PACRG: variants seen among roughly 807,000 people sequenced by gnomAD.
PACRG encodes the protein parkin coregulated gene protein.
PACRG carries 29 observed loss-of-function variants against 29.7 expected under a neutral mutation model. That is an observed-to-expected ratio of 0.98 (90% CI 0.73 to 1.33). The LOEUF (loss-of-function observed/expected upper bound fraction) is 1.33. Among genes scored for constraint, PACRG ranks in the 40% most tolerant of loss-of-function variants. PACRG has a pLI of 0.00. For missense variants in PACRG, 279 were observed against 316.2 expected, an observed-to-expected ratio of 0.88 and a Z score of 0.89; for synonymous variants, 116 against 118.7, an observed-to-expected ratio of 0.98 and a Z score of 0.15.
At chr6:162,787,423 A>G (rs1042288142) in intron 1 of PACRG, among the ~76,000 whole-genome samples, 16 of 150,914 alleles carry the variant, frequency 1.1e-4, no homozygotes, top group African/African-American at 3.6e-4. Context: ...GTGTAGGCAT[A>G]TATATATACA....
intron 2 of PACRG, among the ~76,000 whole-genome samples, chr6:162,914,358 G>A (rs1013105659): frequency 6.6e-5 from 10 of 152,020 alleles, no homozygotes; most frequent in Admixed American, 2.6e-4. Flanking sequence ...TAAATTGACC[G>A]TATACATATG....
chr6:163,125,514 T>G (rs1236737526), intron 4 of PACRG, among the ~76,000 whole-genome samples: 1 of 152,182 alleles, frequency 6.6e-6, no homozygotes, highest in Non-Finnish European at 1.5e-5. Flanking sequence ...AGTAAAGGCT[T>G]AATGCCCAGA....
At chr6:162,971,616 A>G (rs1034468443) in intron 2 of PACRG, among the ~76,000 whole-genome samples, 7 of 152,186 alleles carry the variant, frequency 4.6e-5, no homozygotes, top group East Asian at 1.9e-4. Flanking sequence ...TCGCTCCCCA[A>G]ATTCCATGGG....
At chr6:162,736,771 C>T (rs144266519) in intron 1 of PACRG, among the ~76,000 whole-genome samples, 1 of 151,624 alleles carries the variant, frequency 6.6e-6, no homozygotes, top group Admixed American at 6.6e-5. Context: ...TATATACCTA[C>T]CTGTATGTTT....
intron 4 of PACRG, among the ~76,000 whole-genome samples, chr6:163,314,393 G>A (rs555965933): frequency 7.4e-4 from 113 of 152,286 alleles, no homozygotes; most frequent in African/African-American, 2.5e-3. Flanking sequence ...GCAGAGATGC[G>A]GGTGGGGGCT....
In PACRG at chr6:162,728,377, A is replaced by G; in HGVS notation, c.142A>G (p.Met48Val). 1.2e-6 allele frequency: 2 copies of G among 1,612,810 alleles called. No individual in the cohort carries two copies. The highest frequency in any genetic ancestry group is 1.7e-6 in the Non-Finnish European group (2 of 1,179,974). ...VSEGFTVKAM[M>V]KNSVVRGPPA... ...TGAGGGTTTCACAGTCAAAGCCATG[A>G]TGAAAAACTCAGTCGTAAGTGATCT... Residue 48 changes from methionine to valine, a missense_variant, in exon 1 of 5, where the codon ATG becomes GTG. Transcript: ENST00000366888.
intron 3 of PACRG, among the ~76,000 whole-genome samples, chr6:163,078,623 T>TATC (rs758681434): frequency 4.8e-4 from 73 of 152,058 alleles, no homozygotes; most frequent in Admixed American, 1.4e-3. Context: ...TCGTCATCAT[T>TATC]ATCATCATCA....
At chr6:162,932,672 A>G (rs1797936916) in intron 2 of PACRG, among the ~76,000 whole-genome samples, 1 of 151,840 alleles carries the variant, frequency 6.6e-6, no homozygotes, top group Admixed American at 6.6e-5. Context: ...GTAGTTGTAT[A>G]GTTGTTTATA....
At chr6:163,186,511 C>G (rs1779942757) in intron 4 of PACRG, among the ~76,000 whole-genome samples, 2 of 152,152 alleles carry the variant, frequency 1.3e-5, no homozygotes, top group Admixed American at 1.3e-4. Context: ...GGTGGAGAGG[C>G]CTGTTTTGCC....
chr6:163,099,314 C>T (rs939818779), intron 4 of PACRG, among the ~76,000 whole-genome samples: 13 of 152,166 alleles, frequency 8.5e-5, no homozygotes, highest in Admixed American at 3.3e-4. Flanking sequence ...TCAGCTAAGG[C>T]CTTACAGATC....
chr6:163,148,781 C>G (rs1486562028), intron 4 of PACRG, among the ~76,000 whole-genome samples: 3 of 152,032 alleles, frequency 2.0e-5, no homozygotes, highest in African/African-American at 7.3e-5. Context: ...AAGCAGCTCC[C>G]AACACTGGAA....
chr6:163,163,375 G>A (rs1029816981), intron 4 of PACRG, among the ~76,000 whole-genome samples: 14 of 152,062 alleles, frequency 9.2e-5, no homozygotes, highest in African/African-American at 2.9e-4. Context: ...GGGTTCAAGC[G>A]ATTCTCCTGC....
chr6:162,969,426 C>G (rs1280142629), intron 2 of PACRG, among the ~76,000 whole-genome samples: 15 of 152,064 alleles, frequency 9.9e-5, no homozygotes, highest in Admixed American at 9.8e-4. Context: ...CATCTCTTGC[C>G]TGAAATACTA....
intron 1 of PACRG, among the ~76,000 whole-genome samples, chr6:162,744,732 A>T (rs909723185): frequency 6.6e-6 from 1 of 152,204 alleles, no homozygotes; most frequent in Non-Finnish European, 1.5e-5. Context: ...TCCATAAAAA[A>T]TTGTTTAAAG....
chr6:163,184,820 C>T (rs1410376388), intron 4 of PACRG: 1 of 152,114 alleles, frequency 6.6e-6, no homozygotes, highest in Non-Finnish European at 1.5e-5. Context: ...AGAGAGAAAG[C>T]TCACCATTCT....
chr6:162,893,922 C>T (rs1301061219), intron 2 of PACRG, among the ~76,000 whole-genome samples: 2 of 152,326 alleles, frequency 1.3e-5, no homozygotes, highest in East Asian at 1.9e-4. Flanking sequence ...CCCAGACTCA[C>T]TCTTAGTGGC....
chr6:162,820,819 T>C (rs952976711), intron 2 of PACRG, among the ~76,000 whole-genome samples: 1 of 152,204 alleles, frequency 6.6e-6, no homozygotes, highest in African/African-American at 2.4e-5. Flanking sequence ...AAGCTTGAGT[T>C]TGGATAATAG....
intron 1 of PACRG, among the ~76,000 whole-genome samples, chr6:162,761,490 C>G (rs758333259): frequency 9.9e-5 from 15 of 152,166 alleles, no homozygotes; most frequent in African/African-American, 2.2e-4. Context: ...TCAGTCTGCT[C>G]TACTGTCTGT....
intron 4 of PACRG, among the ~76,000 whole-genome samples, chr6:163,248,869 TA>T (rs1158654359): frequency 6.6e-6 from 1 of 151,614 alleles, no homozygotes; most frequent in African/African-American, 2.4e-5. Flanking sequence ...TACAAACAAT[TA>T]GCTGGGCATG....
Sources: gnomAD v4.1 joint callset for allele counts (sites outside exome capture counted in the v4.1 genomes callset) on GRCh38, gnomAD v4.1.1 for gene constraint, MANE v1.5 for transcripts, NCBI Gene and HGNC (gene_info 2026-07-23, HGNC 2026-07-21) for gene names.